Variants in ANAPC10 observed in about 807,000 individuals in gnomAD.
The protein encoded by ANAPC10 is anaphase promoting complex subunit 10, also known as anaphase-promoting complex subunit 10.
A neutral mutation model predicts 22.0 loss-of-function variants in ANAPC10; 12 were observed. The ratio of observed to expected loss-of-function variants is 0.55; its 90% CI spans 0.35 to 0.88. ANAPC10 has a LOEUF of 0.88. Among genes scored for constraint, ANAPC10 ranks in the 40% least tolerant of loss-of-function variants. The pLI is 0.01. For missense variants in ANAPC10, 188 were observed against 220.9 expected (o/e 0.85, Z 0.94); for synonymous variants, 65 against 69.5 (o/e 0.94, Z 0.32).
chr4:145,003,418 T>C (rs937714583), intron 4 of ANAPC10, among the ~76,000 whole-genome samples: 7 of 152,156 alleles, frequency 4.6e-5, no homozygotes, highest in Non-Finnish European at 1.0e-4. Context: ...GTGGGTGAAA[T>C]GGTAATTCCA....
chr4:145,031,941 C>T (rs1291584383), intron 4 of ANAPC10, among the ~76,000 whole-genome samples: 1 of 152,174 alleles, frequency 6.6e-6, no homozygotes, highest in East Asian at 1.9e-4. Context: ...GTGGGTTGTG[C>T]ACAGCAGCAT....
intron 4 of ANAPC10, among the ~76,000 whole-genome samples, chr4:145,008,326 C>A (rs1042881466): frequency 5.3e-5 from 8 of 152,128 alleles, no homozygotes; most frequent in Admixed American, 6.6e-5. Context: ...ATCCTCCCTA[C>A]CTCATTTGAT....
At chr4:145,032,920 C>G (rs1476119356) in intron 4 of ANAPC10, 3 of 152,258 alleles carry the variant, frequency 2.0e-5, no homozygotes, top group Non-Finnish European at 4.4e-5. Context: ...GCCAAGACTA[C>G]CAACCGTGGA....
intron 4 of ANAPC10, among the ~76,000 whole-genome samples, chr4:145,012,174 G>GTATATATA (rs201493778): frequency 9.0e-5 from 12 of 133,458 alleles, no homozygotes; most frequent in African/African-American, 2.2e-4. Flanking sequence ...ATGTGTGTGT[G>GTATATATA]TGTATATATA....
At chr4:145,065,831 G>GA (rs1743592938) in intron 3 of ANAPC10, among the ~76,000 whole-genome samples, 1 of 151,900 alleles carries the variant, frequency 6.6e-6, no homozygotes, top group Non-Finnish European at 1.5e-5. Flanking sequence ...TTTGTATATA[G>GA]AAAAAGACCT....
chr4:144,995,514 A>T lies in ANAPC10; in HGVS notation c.417T>A (p.Ile139=). 3 of 1,613,958 alleles carry T rather than the reference A, an allele frequency of 1.9e-6. No homozygotes were observed. The highest frequency in any genetic ancestry group is 2.5e-6 in the Non-Finnish European group (3 of 1,179,892). ...CATTCTGGTGATTGGCTAGAACAGC[A>T]ATCTGTATCATGAATGTACGAGTTG... ...KKPTRTFMIQ[I]AVLANHQNGR... is the part of the protein sequence containing the mutation. Residue 139 remains isoleucine (I), a synonymous_variant, in exon 5 of 5, where the codon ATT becomes ATA. Coordinates refer to ENST00000507656, the MANE Select transcript of ANAPC10 (RefSeq NM_001256706.2).
chr4:145,080,193 C>G (rs189402711), intron 3 of ANAPC10, among the ~76,000 whole-genome samples: 1 of 148,570 alleles, frequency 6.7e-6, no homozygotes, highest in Non-Finnish European at 1.5e-5. Context: ...TGGGTGCCTA[C>G]TTGAGGTGAA....
intron 2 of ANAPC10, among the ~76,000 whole-genome samples, chr4:145,086,374 CT>C (rs910031289): frequency 2.4e-4 from 37 of 152,200 alleles, no homozygotes; most frequent in African/African-American, 8.9e-4. Flanking sequence ...CAGAAAAAAA[CT>C]TTTATAAGAG....
chr4:144,999,353 T>A (rs1328139464), intron 4 of ANAPC10: 1 of 152,360 alleles, frequency 6.6e-6, no homozygotes. Context: ...GGATGCAGCA[T>A]CAATGTGCAA....
At chr4:145,085,613 CA>C (rs557237359) in intron 2 of ANAPC10, among the ~76,000 whole-genome samples, 1 of 151,838 alleles carries the variant, frequency 6.6e-6, no homozygotes, top group Non-Finnish European at 1.5e-5. Flanking sequence ...TCCTATAATT[CA>C]AAACTGATCA....
chr4:145,076,863 A>G (rs1288153100), intron 3 of ANAPC10, among the ~76,000 whole-genome samples: 1 of 152,258 alleles, frequency 6.6e-6, no homozygotes, highest in Admixed American at 6.5e-5. Flanking sequence ...AGAATCTCAG[A>G]GAACAAAGAC....
chr4:145,067,661 GT>G (rs1315458971), intron 3 of ANAPC10, among the ~76,000 whole-genome samples: 1 of 152,170 alleles, frequency 6.6e-6, no homozygotes, highest in Admixed American at 6.5e-5. Context: ...GTTTTATAAA[GT>G]TGATATTTTG....
intron 4 of ANAPC10, among the ~76,000 whole-genome samples, chr4:145,006,466 T>C (rs910131227): frequency 6.6e-6 from 1 of 152,074 alleles, no homozygotes. Context: ...TAAAAGAATG[T>C]AGGGCAGTAG....
rs1378350470 is a variant in ANAPC10, at chr4:144,998,339, C to T, written c.328-2736G>A. ...TGACCATATAGTTGGAAGTAAAGCACTCCTCAGCAAATATAAAAGAACAGA... is the reference window on the plus strand; with the variant it reads ...TGACCATATAGTTGGAAGTAAAGCATTCCTCAGCAAATATAAAAGAACAGA... On this transcript the variant is annotated intron_variant, in intron 4 of 4. Transcript: ENST00000507656. Among the ~76,000 whole-genome samples, 6 of 152,182 alleles carry T rather than the reference C, an allele frequency of 3.9e-5. No homozygotes were observed. The South Asian group carries it at 1.0e-3, about 26-fold the overall frequency.
At chr4:145,023,310 T>G (rs933787922) in intron 4 of ANAPC10, among the ~76,000 whole-genome samples, 21 of 152,154 alleles carry the variant, frequency 1.4e-4, no homozygotes, top group South Asian at 4.1e-4. Flanking sequence ...TCAGGAAGTA[T>G]AAGGATTTTT....
At chr4:145,043,979 CA>C (rs1560867753) in intron 4 of ANAPC10, among the ~76,000 whole-genome samples, 1 of 151,526 alleles carries the variant, frequency 6.6e-6, no homozygotes, top group East Asian at 1.9e-4. Context: ...TGATCATTAC[CA>C]AAAAAAGAGA....
intron 3 of ANAPC10, among the ~76,000 whole-genome samples, chr4:145,078,022 C>T (rs1745434490): frequency 6.6e-6 from 1 of 152,044 alleles, no homozygotes; most frequent in Non-Finnish European, 1.5e-5. Flanking sequence ...GTCCTAGCCA[C>T]AGCAATCAGG....
At chr4:145,058,577 C>G (rs1742414916) in intron 4 of ANAPC10, among the ~76,000 whole-genome samples, 1 of 152,046 alleles carries the variant, frequency 6.6e-6, no homozygotes, top group Non-Finnish European at 1.5e-5. Flanking sequence ...CTTAGCAGGC[C>G]CTACAGCATT....
chr4:145,004,475 G>T (rs189032179), intron 4 of ANAPC10, among the ~76,000 whole-genome samples: 1 of 152,070 alleles, frequency 6.6e-6, no homozygotes, highest in East Asian at 1.9e-4. Context: ...GTTGGCTGTG[G>T]GTTTGTCAAA....
Sources: gnomAD v4.1 joint callset for allele counts (sites outside exome capture counted in the v4.1 genomes callset) on GRCh38, gnomAD v4.1.1 for gene constraint, MANE v1.5 for transcripts, NCBI Gene and HGNC (gene_info 2026-07-23, HGNC 2026-07-21) for gene names.